ADCK1: variants seen among roughly 807,000 people sequenced by gnomAD.
The protein encoded by ADCK1 is aarF domain containing kinase 1.
ADCK1 carries 41 observed loss-of-function variants against 52.3 expected under a neutral mutation model. The observed-to-expected ratio is 0.78, with a 90% CI of 0.61 to 1.02. The LOEUF (loss-of-function observed/expected upper bound fraction) is 1.02. Among genes scored for constraint, ADCK1 ranks in the 50% least tolerant of loss-of-function variants. ADCK1 has a pLI of 0.00. For synonymous variants in ADCK1, 250 were observed against 274.6 expected, an observed-to-expected ratio of 0.91 and a Z score of 0.89; for missense variants, 658 against 679.5, an observed-to-expected ratio of 0.97 and a Z score of 0.35.
rs542658962 is a variant in ADCK1, at chr14:77,844,443, G to C, written c.220-14633G>C. On this transcript the variant is annotated intron_variant, in intron 3 of 10. Transcript: ENST00000238561. ...TTCTTATTTTGACTGGAACCTTCTG[G>C]AAACAGTGCTCAATGCAAAGGAACC... 2.0e-5 allele frequency among the ~76,000 whole-genome samples: 3 copies of C among 152,224 alleles called. No homozygotes were observed. The East Asian group carries it at 5.8e-4, about 29-fold the overall frequency.
chr14:77,875,865 G>C (rs565047714), intron 4 of ADCK1, among the ~76,000 whole-genome samples: 2 of 152,200 alleles, frequency 1.3e-5, no homozygotes, highest in African/African-American at 4.8e-5. Flanking sequence ...GAACTAGGAA[G>C]CTGTGATGTT....
At chr14:77,825,938 C>T (rs997512764) in intron 3 of ADCK1, among the ~76,000 whole-genome samples, 1 of 152,144 alleles carries the variant, frequency 6.6e-6, no homozygotes, top group Non-Finnish European at 1.5e-5. Context: ...CTTGCAGGCT[C>T]GGACACAGGG....
intron 7 of ADCK1, among the ~76,000 whole-genome samples, chr14:77,911,821 T>C (rs2083797921): frequency 6.6e-6 from 1 of 150,920 alleles, no homozygotes; most frequent in Non-Finnish European, 1.5e-5. Flanking sequence ...ATGAGGGAGG[T>C]CTTATTGTCT....
intron 3 of ADCK1, among the ~76,000 whole-genome samples, chr14:77,858,128 C>G (rs1222812099): frequency 1.3e-5 from 2 of 152,192 alleles, no homozygotes; most frequent in Admixed American, 6.5e-5. Flanking sequence ...TCATACCCCC[C>G]ACTACAGTGA....
chr14:77,820,017 G>A (rs1166071088), intron 2 of ADCK1, among the ~76,000 whole-genome samples: 3 of 152,162 alleles, frequency 2.0e-5, no homozygotes, highest in Non-Finnish European at 4.4e-5. Context: ...GGATAATCAG[G>A]CTACGGAACA....
intron 3 of ADCK1, among the ~76,000 whole-genome samples, chr14:77,841,038 A>G (rs1411315846): frequency 6.6e-6 from 1 of 152,222 alleles, no homozygotes; most frequent in African/African-American, 2.4e-5. Flanking sequence ...AGGGAGCTGG[A>G]CATGTACATC....
At chr14:77,863,490 A>G (rs1423785522) in intron 4 of ADCK1, among the ~76,000 whole-genome samples, 1 of 151,978 alleles carries the variant, frequency 6.6e-6, no homozygotes. Context: ...ACACACATCT[A>G]TACCTGCCCC....
intron 3 of ADCK1, among the ~76,000 whole-genome samples, chr14:77,830,973 G>A (rs967401619): frequency 2.0e-5 from 3 of 152,194 alleles, no homozygotes. Flanking sequence ...GAGTCAGGGA[G>A]ATGCAGGACC....
chr14:77,800,982 C>T (rs1398949196), intron 1 of ADCK1, among the ~76,000 whole-genome samples: 1 of 152,164 alleles, frequency 6.6e-6, no homozygotes, highest in Non-Finnish European at 1.5e-5. Flanking sequence ...GTAATCCCAG[C>T]ACTTTGGGAG....
intron 4 of ADCK1, among the ~76,000 whole-genome samples, chr14:77,879,637 G>A (rs1178584982): frequency 6.6e-6 from 1 of 152,220 alleles, no homozygotes; most frequent in African/African-American, 2.4e-5. Flanking sequence ...AGTGACTTAT[G>A]CAGCGAGAAG....
chr14:77,888,387 C>G (rs906613432), intron 5 of ADCK1, among the ~76,000 whole-genome samples: 2 of 152,286 alleles, frequency 1.3e-5, no homozygotes, highest in East Asian at 3.9e-4. Context: ...GGTCAACACT[C>G]ACTACATATT....
chr14:77,896,668 C>T (rs2083415911), intron 5 of ADCK1, among the ~76,000 whole-genome samples: 1 of 152,230 alleles, frequency 6.6e-6, no homozygotes. Context: ...TGTCTGGAGG[C>T]TGCGGTGCCC....
rs1326916605 is a variant in ADCK1, at chr14:77,899,151, C to T, written c.634C>T (p.Leu212Phe). The T allele has an allele frequency of 1.2e-6, 2 of 1,614,116 alleles. No individual in the cohort carries two copies. Among genetic ancestry groups the T allele is most frequent in the East Asian group, 2.2e-5 (1 of 44,870 alleles). Residue 212 changes from leucine (L) to phenylalanine (F), a missense_variant, in exon 6 of 11, where the codon CTT becomes TTT. Leu to Phe is a conservative substitution (Grantham distance 22). Coordinates refer to ENST00000238561, the MANE Select transcript of ADCK1 (RefSeq NM_020421.4). ...QLFPEFEFMW[L>F]VDEAKKNLPL... ...GTTCCCAGAGTTTGAGTTTATGTGG[C>T]TTGTGGATGAAGCCAAGAAGAACCT...
rs116740712 is a variant in ADCK1 at position 77,826,957 on chromosome 14, T to C, written c.219+4439T>C. On this transcript the variant is annotated intron_variant, in intron 3 of 10. Coordinates refer to ENST00000238561, the MANE Select transcript of ADCK1 (RefSeq NM_020421.4). ...GGAAGAGCAGCTCTCTCTTTTCTGC[T>C]GAGTGAGCTGAGAATGTAAGATGTT... 2.8e-3 allele frequency among the ~76,000 whole-genome samples: 419 copies of C among 152,288 alleles called. 4 individuals are homozygous for C. Among genetic ancestry groups the C allele is most frequent in the Middle Eastern group, 0.02 (6 of 294 alleles).
intron 3 of ADCK1, among the ~76,000 whole-genome samples, chr14:77,849,908 G>A (rs2082248090): frequency 6.6e-6 from 1 of 152,188 alleles, no homozygotes; most frequent in Non-Finnish European, 1.5e-5. Flanking sequence ...TCAGCTGCAT[G>A]TGGTGGCTCA....
intron 4 of ADCK1, among the ~76,000 whole-genome samples, chr14:77,871,928 G>A (rs867064997): frequency 1.3e-5 from 2 of 152,200 alleles, no homozygotes; most frequent in South Asian, 2.1e-4. Flanking sequence ...GCAGAGTCAG[G>A]TCTGGCTTCA....
chr14:77,871,023 C>T (rs184183685), intron 4 of ADCK1, among the ~76,000 whole-genome samples: 1 of 152,238 alleles, frequency 6.6e-6, no homozygotes, highest in Non-Finnish European at 1.5e-5. Context: ...TTTGGAGGAG[C>T]CTCAGGCCTG....
intron 1 of ADCK1, among the ~76,000 whole-genome samples, chr14:77,818,435 T>C (rs1216003891): frequency 6.6e-6 from 1 of 151,970 alleles, no homozygotes; most frequent in African/African-American, 2.4e-5. Flanking sequence ...GCACGTGCCA[T>C]GATGCCTGGC....
At chr14:77,812,078 T>A (rs2081348473) in intron 1 of ADCK1, among the ~76,000 whole-genome samples, 1 of 152,210 alleles carries the variant, frequency 6.6e-6, no homozygotes, top group African/African-American at 2.4e-5. Context: ...TGTGTAATGA[T>A]TACCACAATC....
Sources: gnomAD v4.1 joint callset for allele counts (sites outside exome capture counted in the v4.1 genomes callset) on GRCh38, gnomAD v4.1.1 for gene constraint, MANE v1.5 for transcripts, NCBI Gene and HGNC (gene_info 2026-07-23, HGNC 2026-07-21) for gene names.